The following PRKCB variants were observed in gnomAD, a reference collection of about 807,000 sequenced individuals.
PRKCB encodes protein kinase C beta, also known as protein kinase C beta type.
Under a neutral mutation model 81.5 loss-of-function variants are expected in PRKCB, and 13 were observed. The ratio of observed to expected loss-of-function variants is 0.16; its 90% CI spans 0.10 to 0.25. The LOEUF (loss-of-function observed/expected upper bound fraction) is 0.25. PRKCB is among the 10% of genes least tolerant of loss of function. The pLI is 1.00. For synonymous variants in PRKCB, 335 were observed against 321.4 expected, an observed-to-expected ratio of 1.04 and a Z score of -0.45; for missense variants, 509 against 875.7, an observed-to-expected ratio of 0.58 and a Z score of 5.29.
intron 2 of PRKCB, among the ~76,000 whole-genome samples, chr16:23,849,756 T>C (rs1401376341): frequency 1.3e-5 from 2 of 152,222 alleles, no homozygotes; most frequent in African/African-American, 4.8e-5. Flanking sequence ...AATGTGATGT[T>C]TTGATACATA....
intron 7 of PRKCB, among the ~76,000 whole-genome samples, chr16:24,104,586 C>G (rs9926848): frequency 6.6e-6 from 1 of 152,030 alleles, no homozygotes; most frequent in East Asian, 1.9e-4. Flanking sequence ...GGAGTGGAGA[C>G]ATTCAGATTT....
chr16:24,118,287 G>GT (rs1966758403), intron 8 of PRKCB, among the ~76,000 whole-genome samples: 1 of 152,250 alleles, frequency 6.6e-6, no homozygotes, highest in South Asian at 2.1e-4. Flanking sequence ...ATTGAATGAG[G>GT]TAATGCGTTT....
chr16:24,004,882 C>T lies in PRKCB; in HGVS notation c.288+16292C>T, dbSNP rs1965096555. 2.0e-5 allele frequency among the ~76,000 whole-genome samples: 3 copies of T among 152,066 alleles called. No homozygotes were observed. The South Asian group carries it at 6.2e-4, about 32-fold the overall frequency. Reference sequence around the variant, plus strand: ...GTAAGAAACCATTTCAGGATAAATGCATAGATTTATCTAGAGTGATATTCA... The same window carrying T: ...GTAAGAAACCATTTCAGGATAAATGTATAGATTTATCTAGAGTGATATTCA... On this transcript the variant is annotated intron_variant, in intron 3 of 16. Transcript: ENST00000643927.
In PRKCB at chr16:24,105,494, C is replaced by A. The variant is rs553353807; in HGVS notation, c.822-7479C>A. ...CCTGTCATCTAGATTTCAAGCCCCG[C>A]ATGCATTAGGTATTTGTCTTAATGC... On this transcript the variant is annotated intron_variant, in intron 7 of 16. Coordinates refer to ENST00000643927, the MANE Select transcript of PRKCB (RefSeq NM_002738.7). Among the ~76,000 whole-genome samples, 194 of 152,240 alleles carry A rather than the reference C, an allele frequency of 1.3e-3. 1 individual carries two copies. Among genetic ancestry groups the A allele is most frequent in the African/African-American group, 4.4e-3 (181 of 41,534 alleles).
chr16:24,020,097 T>C (rs1248509483), intron 3 of PRKCB, among the ~76,000 whole-genome samples: 5 of 152,210 alleles, frequency 3.3e-5, no homozygotes, highest in Non-Finnish European at 7.3e-5. Context: ...ATGACACCAA[T>C]TGGCCCACCC....
chr16:24,104,097 G>C (rs9924557), intron 7 of PRKCB, among the ~76,000 whole-genome samples: 23,954 of 151,962 alleles, frequency 0.16, 3,105 homozygotes, highest in African/African-American at 0.36. Flanking sequence ...GAGACACCAC[G>C]CCCAGCTAAG....
At chr16:24,114,764 G>A (rs773248912) in intron 8 of PRKCB, among the ~76,000 whole-genome samples, 33 of 151,892 alleles carry the variant, frequency 2.2e-4, no homozygotes, top group Non-Finnish European at 4.1e-4. Flanking sequence ...AACCATGATG[G>A]CCTACTAACT....
In PRKCB at chr16:23,867,211, C is replaced by T. The variant is rs113809901; in HGVS notation, c.205+29805C>T. ...CATGATCTCAGCTCACTGCAACCTC[C>T]GCCTCCCAGGTTCAAGCGATTCTCC... is the stretch of plus-strand genomic sequence containing the variant. On this transcript the variant is annotated intron_variant, in intron 2 of 16. Coordinates refer to ENST00000643927, the MANE Select transcript of PRKCB (RefSeq NM_002738.7). Among the ~76,000 whole-genome samples, 130 of 152,062 alleles carry T rather than the reference C, an allele frequency of 8.5e-4. 1 individual carries two copies. Among genetic ancestry groups the T allele is most frequent in the Non-Finnish European group, 1.6e-3 (108 of 68,004 alleles).
chr16:23,944,626 TG>T (rs2141771620), intron 2 of PRKCB, among the ~76,000 whole-genome samples: 1 of 152,300 alleles, frequency 6.6e-6, no homozygotes, highest in Admixed American at 6.5e-5. Flanking sequence ...GGAGTGCAGA[TG>T]GGCCCCAGAG....
chr16:23,874,568 C>CTTTTTTTTTTTTTTTTTTT (rs58560122), intron 2 of PRKCB, among the ~76,000 whole-genome samples: 1 of 133,052 alleles, frequency 7.5e-6, no homozygotes. Context: ...ATTCTTCTCT[C>CTTTTTTTTTTTTTTTTTTT]TTTTTTTTTT....
intron 7 of PRKCB, among the ~76,000 whole-genome samples, chr16:24,103,713 C>G (rs571645936): frequency 6.6e-6 from 1 of 152,214 alleles, no homozygotes; most frequent in Non-Finnish European, 1.5e-5. Context: ...TTCCCCTCCC[C>G]TCTCCCCTCT....
chr16:23,961,288 C>G (rs1964422961), intron 2 of PRKCB, among the ~76,000 whole-genome samples: 1 of 152,150 alleles, frequency 6.6e-6, no homozygotes, highest in Non-Finnish European at 1.5e-5. Context: ...GAAAATCTGA[C>G]TCAAATTGGT....
intron 2 of PRKCB, among the ~76,000 whole-genome samples, chr16:23,928,468 G>A (rs1418135407): frequency 2.0e-5 from 3 of 152,070 alleles, no homozygotes; most frequent in African/African-American, 7.2e-5. Flanking sequence ...AAGGCACTCT[G>A]GTATGCATGC....
At chr16:24,147,883 G>A (rs2141948827) in intron 9 of PRKCB, among the ~76,000 whole-genome samples, 1 of 152,286 alleles carries the variant, frequency 6.6e-6, no homozygotes, top group South Asian at 2.1e-4. Context: ...TAATCAGTGG[G>A]CATGTACATG....
chr16:23,955,966 TAA>T (rs34718071), intron 2 of PRKCB, among the ~76,000 whole-genome samples: 25,030 of 152,070 alleles, frequency 0.16, 2,309 homozygotes, highest in African/African-American at 0.24. Context: ...GCACTTATCA[TAA>T]AAGACTGTGA....
chr16:23,961,115 C>T (rs886756072), intron 2 of PRKCB, among the ~76,000 whole-genome samples: 7 of 151,818 alleles, frequency 4.6e-5, no homozygotes, highest in Admixed American at 3.3e-4. Context: ...CATTATGTTG[C>T]GCAGACTGGC....
intron 2 of PRKCB, among the ~76,000 whole-genome samples, chr16:23,885,748 G>A (rs1260347740): frequency 1.3e-5 from 2 of 152,224 alleles, no homozygotes; most frequent in Non-Finnish European, 2.9e-5. Context: ...AATGGGAAAT[G>A]AAAGCCACTG....
intron 2 of PRKCB, among the ~76,000 whole-genome samples, chr16:23,867,015 TC>T (rs1226725027): frequency 0.014 from 1,232 of 87,606 alleles, 16 homozygotes; most frequent in African/African-American, 0.051. Flanking sequence ...CTTCCTTCCT[TC>T]CTTCCTTCCT....
At chr16:24,176,422 A>G (rs1359854074) in intron 12 of PRKCB, among the ~76,000 whole-genome samples, 1 of 152,198 alleles carries the variant, frequency 6.6e-6, no homozygotes, top group Non-Finnish European at 1.5e-5. Context: ...CTAAAAAAAG[A>G]AGAATTTAAA....
Sources: allele counts gnomAD v4.1 joint callset (sites outside exome capture counted in the v4.1 genomes callset), GRCh38; gene constraint gnomAD v4.1.1; transcripts MANE v1.5; gene names NCBI Gene and HGNC (gene_info 2026-07-23, HGNC 2026-07-21).